Variants in CDH10 observed in about 807,000 individuals in gnomAD.
CDH10 encodes cadherin-10.
In CDH10, 30 loss-of-function variants were observed where a neutral mutation model predicts 73.1. That is an observed-to-expected ratio of 0.41 (90% CI 0.31 to 0.56). The LOEUF is 0.56. Among genes scored for constraint, CDH10 ranks in the 20% least tolerant of loss-of-function variants. CDH10 has a pLI of 0.27. For synonymous variants in CDH10, 345 were observed against 348.2 expected, an observed-to-expected ratio of 0.99 and a Z score of 0.10; for missense variants, 815 against 973.7, an observed-to-expected ratio of 0.84 and a Z score of 2.17.
chr5:24,533,202 C>T (rs1743811523), intron 5 of CDH10, among the ~76,000 whole-genome samples: 1 of 151,930 alleles, frequency 6.6e-6, no homozygotes, highest in African/African-American at 2.4e-5. Flanking sequence ...TGGCATGAAC[C>T]TGTAATCCTA....
chr5:24,560,658 T>C (rs2111986155), intron 2 of CDH10, among the ~76,000 whole-genome samples: 1 of 152,006 alleles, frequency 6.6e-6, no homozygotes, highest in East Asian at 1.9e-4. Flanking sequence ...TGTAGGAGAT[T>C]ATGTCATGTT....
intron 5 of CDH10, among the ~76,000 whole-genome samples, chr5:24,528,855 G>A (rs1430056642): frequency 3.3e-5 from 5 of 151,906 alleles, no homozygotes; most frequent in East Asian, 1.9e-4. Context: ...CTTAAAAGCC[G>A]AATAACCTGG....
intron 2 of CDH10, among the ~76,000 whole-genome samples, chr5:24,558,400 G>A (rs1025375392): frequency 2.0e-5 from 3 of 151,626 alleles, no homozygotes; most frequent in Non-Finnish European, 4.4e-5. Context: ...AGCAAGCAAT[G>A]ACACTATGGC....
intron 1 of CDH10, among the ~76,000 whole-genome samples, chr5:24,611,581 TCTC>T (rs1353440876): frequency 6.6e-6 from 1 of 152,130 alleles, no homozygotes; most frequent in African/African-American, 2.4e-5. Flanking sequence ...ACAAGTTTTG[TCTC>T]CTATTTTCAG....
At chr5:24,501,566 A>T (rs969347917) in intron 8 of CDH10, among the ~76,000 whole-genome samples, 5 of 152,232 alleles carry the variant, frequency 3.3e-5, no homozygotes, top group Admixed American at 6.5e-5. Context: ...GCAATAAAGG[A>T]TCTTAAAATG....
At chr5:24,517,012 C>A (rs1336672930) in intron 5 of CDH10, among the ~76,000 whole-genome samples, 1 of 151,862 alleles carries the variant, frequency 6.6e-6, no homozygotes, top group Non-Finnish European at 1.5e-5. Context: ...TAAATAACAG[C>A]AAGTTATTGT....
Position 24,566,520 on chromosome 5 carries a change from G to A in CDH10, c.231+26740C>T, listed in dbSNP as rs188380359. Among the ~76,000 whole-genome samples the A allele has an allele frequency of 1.4e-3, 207 of 152,132 alleles. 1 individual carries two copies. Among genetic ancestry groups the A allele is most frequent in the African/African-American group, 4.3e-3 (179 of 41,514 alleles). On this transcript the variant is annotated intron_variant, in intron 2 of 11. Transcript: ENST00000264463. ...GCCTAGCTATATATATAGAATAACC[G>A]AAGAGAATTGATCATTCATAATTAG...
intron 2 of CDH10, among the ~76,000 whole-genome samples, chr5:24,580,744 G>C (rs1020955712): frequency 6.6e-6 from 1 of 152,096 alleles, no homozygotes; most frequent in Non-Finnish European, 1.5e-5. Flanking sequence ...TCTTATAGCT[G>C]TTAAATGTCA....
chr5:24,569,524 A>G (rs372113762), intron 2 of CDH10, among the ~76,000 whole-genome samples: 17 of 152,300 alleles, frequency 1.1e-4, no homozygotes, highest in East Asian at 3.9e-4. Flanking sequence ...TGAAAAACTC[A>G]TTGAAATATT....
intron 5 of CDH10, among the ~76,000 whole-genome samples, chr5:24,528,249 A>G (rs193147860): frequency 6.6e-6 from 1 of 152,024 alleles, no homozygotes; most frequent in Admixed American, 6.6e-5. Flanking sequence ...ACAGGGAAAA[A>G]GAGACATTTT....
At chr5:24,497,114 G>A (rs1301594618) in intron 9 of CDH10, among the ~76,000 whole-genome samples, 2 of 152,040 alleles carry the variant, frequency 1.3e-5, no homozygotes, top group East Asian at 3.9e-4. Flanking sequence ...TTGTGAGCCA[G>A]TTATAGTGAA....
chr5:24,582,842 G>T (rs941283704), intron 2 of CDH10, among the ~76,000 whole-genome samples: 3 of 152,094 alleles, frequency 2.0e-5, no homozygotes, highest in African/African-American at 7.2e-5. Flanking sequence ...AAATAAAAAT[G>T]ATAATGGTGA....
intron 9 of CDH10, among the ~76,000 whole-genome samples, chr5:24,493,357 A>T (rs116828092): frequency 0.01 from 1,574 of 152,076 alleles, 14 homozygotes; most frequent in Non-Finnish European, 0.016. Flanking sequence ...AATGTTATAT[A>T]TTACTTTTTA....
intron 1 of CDH10, among the ~76,000 whole-genome samples, chr5:24,633,741 A>C (rs1747777760): frequency 6.6e-6 from 1 of 151,910 alleles, no homozygotes; most frequent in Non-Finnish European, 1.5e-5. Flanking sequence ...AATTCATGTC[A>C]ATATGTAAAC....
At chr5:24,534,977 A>C (rs1342316589) in intron 5 of CDH10, 135 bp downstream of exon 5, 2 of 776,018 alleles carry the variant, frequency 2.6e-6, no homozygotes, top group Non-Finnish European at 4.0e-6. Context: ...CCTTTTGTTT[A>C]CTTTTGTATC....
chr5:24,515,576 T>C (rs1743078306), intron 5 of CDH10, among the ~76,000 whole-genome samples: 1 of 152,224 alleles, frequency 6.6e-6, no homozygotes, highest in Non-Finnish European at 1.5e-5. Flanking sequence ...TCTAATCATT[T>C]TACTACTAAC....
chr5:24,491,473 AAAATTTG>A, intron 11 of CDH10, 96 bp downstream of exon 11: 1 of 896,764 alleles, frequency 1.1e-6, no homozygotes, highest in Non-Finnish European at 1.7e-6. Flanking sequence ...TGTCTATCTT[AAAATTTG>A]GGGTGGTTTT....
At chr5:24,504,384 C>T (rs958631960) in intron 8 of CDH10, among the ~76,000 whole-genome samples, 1 of 151,758 alleles carries the variant, frequency 6.6e-6, no homozygotes, top group African/African-American at 2.4e-5. Flanking sequence ...TACTTTTTCA[C>T]TATTGCCTTT....
rs1256206591 is a variant in CDH10 at position 24,498,479 on chromosome 5, T to C, written c.1434A>G (p.Arg478=). Residue 478 remains arginine, a synonymous_variant, in exon 9 of 12, where the codon AGA becomes AGG. Transcript: ENST00000264463. ...KETTRVAVFV[R]ILDVNDNAPQ... ...GGGCATTGTCATTAACATCCAAAAT[T>C]CTCACAAAAACAGCCACGCGTGTTG... 1.2e-6 allele frequency: 2 copies of C among 1,600,214 alleles called. No individual in the cohort carries two copies. Among genetic ancestry groups the C allele is most frequent in the South Asian group, 1.1e-5 (1 of 90,762 alleles).
Sources: allele counts gnomAD v4.1 joint callset (sites outside exome capture counted in the v4.1 genomes callset), GRCh38; gene constraint gnomAD v4.1.1; transcripts MANE v1.5; gene names NCBI Gene and HGNC (gene_info 2026-07-23, HGNC 2026-07-21).